Variants in CERT1 observed in about 807,000 individuals in gnomAD.
The protein encoded by CERT1 is ceramide transporter 1, also known as ceramide transfer protein.
In CERT1, 31 loss-of-function variants were observed where a neutral mutation model predicts 87.9. The ratio of observed to expected loss-of-function variants is 0.35; its 90% CI spans 0.27 to 0.48. The LOEUF is 0.48. Ranked by LOEUF, CERT1 falls within the 20% of genes least tolerant of loss-of-function variation. The pLI is 0.99. For missense variants in CERT1, 487 were observed against 758.0 expected (o/e 0.64, Z 4.20); for synonymous variants, 289 against 250.9 (o/e 1.15, Z -1.44).
chr5:75,496,003 T>A (rs1302005029), intron 2 of CERT1, among the ~76,000 whole-genome samples: 3 of 152,038 alleles, frequency 2.0e-5, no homozygotes, highest in African/African-American at 7.2e-5. Context: ...CAAATAGGTC[T>A]TAACTGTAGA....
At chr5:75,475,343 T>G (rs569138374) in intron 2 of CERT1, among the ~76,000 whole-genome samples, 6 of 152,288 alleles carry the variant, frequency 3.9e-5, no homozygotes, top group African/African-American at 1.4e-4. Flanking sequence ...TGAAAAGACT[T>G]TTAGTGACCA....
In CERT1 at chr5:75,493,926, CT is replaced by C. The variant is rs1442194873; in HGVS notation, c.231+12055del. ...CTAACTCTTCTAATTTCTTTCCTCACTGCTACCATATTTATAATTTCCAAGA... is the reference window on the plus strand; with the variant it reads ...CTAACTCTTCTAATTTCTTTCCTCACGCTACCATATTTATAATTTCCAAGA... On this transcript the variant is annotated intron_variant, in intron 2 of 16. Transcript: ENST00000643780. Among the ~76,000 whole-genome samples the C allele has an allele frequency of 3.3e-5, 5 of 152,132 alleles. No individual in the cohort carries two copies. The East Asian group carries it at 9.6e-4, about 29-fold the overall frequency.
At chr5:75,407,165 AAG>A (rs1762739922) in intron 8 of CERT1, among the ~76,000 whole-genome samples, 1 of 152,220 alleles carries the variant, frequency 6.6e-6, no homozygotes, top group Non-Finnish European at 1.5e-5. Flanking sequence ...TTCACTAAGA[AAG>A]AGTAAAGTGC....
At chr5:75,486,154 C>T (rs1050644936) in intron 2 of CERT1, among the ~76,000 whole-genome samples, 26 of 152,138 alleles carry the variant, frequency 1.7e-4, no homozygotes, top group African/African-American at 6.0e-4. Flanking sequence ...GATTATTCAT[C>T]ATGACCACAT....
chr5:75,500,563 A>C (rs1561307321), intron 2 of CERT1, among the ~76,000 whole-genome samples: 1 of 152,190 alleles, frequency 6.6e-6, no homozygotes, highest in Non-Finnish European at 1.5e-5. Flanking sequence ...CTCAAAGCAT[A>C]AATCTTAGCA....
intron 2 of CERT1, among the ~76,000 whole-genome samples, chr5:75,488,520 A>C (rs1014771951): frequency 6.6e-6 from 1 of 152,148 alleles, no homozygotes; most frequent in African/African-American, 2.4e-5. Context: ...AGTATTGCTA[A>C]ACTGTAAATT....
chr5:75,384,280 T>C (rs1220399569), intron 14 of CERT1, among the ~76,000 whole-genome samples: 1 of 152,216 alleles, frequency 6.6e-6, no homozygotes, highest in African/African-American at 2.4e-5. Flanking sequence ...ACACCAGTAG[T>C]TCCAATTACT....
chr5:75,477,803 A>T (rs1766037174), intron 2 of CERT1, among the ~76,000 whole-genome samples: 1 of 152,118 alleles, frequency 6.6e-6, no homozygotes, highest in African/African-American at 2.4e-5. Context: ...TCTAAACTAT[A>T]TGAGTAGAGC....
At chr5:75,393,208 T>G (rs945681323) in intron 11 of CERT1, among the ~76,000 whole-genome samples, 3 of 152,000 alleles carry the variant, frequency 2.0e-5, no homozygotes, top group Admixed American at 2.0e-4. Flanking sequence ...TTAATTAGGC[T>G]AAGTGTAATT....
intron 11 of CERT1, among the ~76,000 whole-genome samples, chr5:75,396,838 A>G (rs1456752207): frequency 6.6e-6 from 1 of 152,306 alleles, no homozygotes; most frequent in East Asian, 1.9e-4. Context: ...GCTTAATACA[A>G]AAGTCTCTAT....
chr5:75,410,504 G>C (rs1284484532), intron 8 of CERT1, among the ~76,000 whole-genome samples: 2 of 151,820 alleles, frequency 1.3e-5, no homozygotes, highest in East Asian at 3.9e-4. Context: ...CAGCTACTAG[G>C]GCAGCTGAGG....
chr5:75,490,568 G>T (rs568885152), intron 2 of CERT1, among the ~76,000 whole-genome samples: 1 of 151,350 alleles, frequency 6.6e-6, no homozygotes, highest in Non-Finnish European at 1.5e-5. Flanking sequence ...GCGCGATCTC[G>T]GCTCACTGCA....
At chr5:75,495,438 G>A (rs1767010944) in intron 2 of CERT1, among the ~76,000 whole-genome samples, 1 of 151,980 alleles carries the variant, frequency 6.6e-6, no homozygotes, top group African/African-American at 2.4e-5. Context: ...CATGCCTGTA[G>A]TCTCAGCTAC....
intron 9 of CERT1, 42 bp from the exon 10 acceptor site, chr5:75,400,339 G>A (rs1178715888): frequency 2.8e-6 from 4 of 1,412,268 alleles, no homozygotes; most frequent in Middle Eastern, 1.8e-4. Flanking sequence ...GTTTTAAAGT[G>A]TATTTTGTAA....
intron 6 of CERT1, among the ~76,000 whole-genome samples, chr5:75,417,441 C>T (rs981088422): frequency 2.0e-5 from 3 of 152,026 alleles, no homozygotes; most frequent in South Asian, 2.1e-4. Flanking sequence ...AAATAATATA[C>T]AATTTAAAAA....
intron 2 of CERT1, among the ~76,000 whole-genome samples, chr5:75,502,226 T>C (rs1278366248): frequency 1.3e-5 from 2 of 152,114 alleles, no homozygotes; most frequent in Non-Finnish European, 2.9e-5. Context: ...GGATAAAAAG[T>C]GCAATTTAAA....
chr5:75,455,445 T>C (rs1403381452), intron 3 of CERT1, among the ~76,000 whole-genome samples: 1 of 152,206 alleles, frequency 6.6e-6, no homozygotes, highest in African/African-American at 2.4e-5. Flanking sequence ...TTGATTGTAA[T>C]GGTTCCTATT....
At chr5:75,470,884 A>T (rs1265805779) in intron 2 of CERT1, among the ~76,000 whole-genome samples, 1 of 152,204 alleles carries the variant, frequency 6.6e-6, no homozygotes, top group Non-Finnish European at 1.5e-5. Flanking sequence ...TGAATTCAGT[A>T]AGCTTGCAGG....
intron 2 of CERT1, among the ~76,000 whole-genome samples, chr5:75,470,115 CA>C (rs1247521010): frequency 6.6e-6 from 1 of 152,012 alleles, no homozygotes; most frequent in Non-Finnish European, 1.5e-5. Context: ...TAGGGAAATT[CA>C]ACACCTCACT....
Sources: allele counts gnomAD v4.1 joint callset (sites outside exome capture counted in the v4.1 genomes callset), GRCh38; gene constraint gnomAD v4.1.1; transcripts MANE v1.5; gene names NCBI Gene and HGNC (gene_info 2026-07-23, HGNC 2026-07-21).